Variants in VWC2L observed in about 807,000 individuals in gnomAD.
VWC2L encodes von Willebrand factor C domain containing 2 like.
A neutral mutation model predicts 21.6 loss-of-function variants in VWC2L; 10 were observed. The ratio of observed to expected loss-of-function variants is 0.46; its 90% confidence interval spans 0.29 to 0.78. VWC2L has a LOEUF of 0.78. Ranked by LOEUF, VWC2L falls within the 30% of genes least tolerant of loss-of-function variation. The pLI is 0.10. For synonymous variants in VWC2L, 96 were observed against 94.3 expected (o/e 1.02, Z -0.10); for missense variants, 209 against 277.1 (o/e 0.75, Z 1.74).
chr2:214,523,623 G>C (rs929687111), intron 3 of VWC2L, among the ~76,000 whole-genome samples: 1 of 152,136 alleles, frequency 6.6e-6, no homozygotes, highest in Non-Finnish European at 1.5e-5. Flanking sequence ...TAGATCACTT[G>C]AGGTCAGGAA....
At chr2:214,537,337 T>C (rs968825449) in intron 3 of VWC2L, among the ~76,000 whole-genome samples, 1 of 152,020 alleles carries the variant, frequency 6.6e-6, no homozygotes, top group Non-Finnish European at 1.5e-5. Context: ...TTCCATATCA[T>C]GGCTTTTGTG....
intron 3 of VWC2L, among the ~76,000 whole-genome samples, chr2:214,457,506 T>C (rs1703074086): frequency 6.6e-6 from 1 of 152,056 alleles, no homozygotes. Context: ...GTTGCTTTGG[T>C]TGTGGATTCA....
intron 3 of VWC2L, among the ~76,000 whole-genome samples, chr2:214,452,557 C>T (rs773223915): frequency 1.3e-5 from 2 of 152,076 alleles, no homozygotes; most frequent in Non-Finnish European, 2.9e-5. Context: ...AATAAAGCTG[C>T]TAGAACTAAA....
chr2:214,562,518 T>C (rs1219629288), intron 3 of VWC2L, among the ~76,000 whole-genome samples: 1 of 152,216 alleles, frequency 6.6e-6, no homozygotes, highest in Non-Finnish European at 1.5e-5. Context: ...AGTAATGGGA[T>C]TGCTGGGCCA....
At chr2:214,546,475 G>A (rs1470593378) in intron 3 of VWC2L, among the ~76,000 whole-genome samples, 1 of 152,156 alleles carries the variant, frequency 6.6e-6, no homozygotes, top group Non-Finnish European at 1.5e-5. Flanking sequence ...AATGGCCACA[G>A]TAGGAGTAAT....
At chr2:214,454,092 A>G (rs2126185894) in intron 3 of VWC2L, among the ~76,000 whole-genome samples, 1 of 152,240 alleles carries the variant, frequency 6.6e-6, no homozygotes, top group African/African-American at 2.4e-5. Context: ...ATATAGAAAT[A>G]GAATTGATAT....
intron 3 of VWC2L, among the ~76,000 whole-genome samples, chr2:214,564,232 G>T (rs1690027028): frequency 6.6e-6 from 1 of 152,068 alleles, no homozygotes; most frequent in African/African-American, 2.4e-5. Context: ...TTGTGAAAAT[G>T]GCCATACTAC....
chr2:214,480,151 C>A (rs1461682651), intron 3 of VWC2L, among the ~76,000 whole-genome samples: 1 of 152,126 alleles, frequency 6.6e-6, no homozygotes, highest in Non-Finnish European at 1.5e-5. Flanking sequence ...ACTTGAGCAT[C>A]TGCAGATTTT....
At chr2:214,511,451 C>T (rs188589733) in intron 3 of VWC2L, among the ~76,000 whole-genome samples, 86 of 152,072 alleles carry the variant, frequency 5.7e-4, no homozygotes, top group African/African-American at 2.0e-3. Flanking sequence ...GCCCTAATGC[C>T]GTAAGACTGT....
intron 3 of VWC2L, among the ~76,000 whole-genome samples, chr2:214,506,512 A>G (rs1559311568): frequency 6.6e-6 from 1 of 152,302 alleles, no homozygotes; most frequent in South Asian, 2.1e-4. Flanking sequence ...TACAAATTGT[A>G]TCTTTCTGCA....
chr2:214,454,847 C>G, intron 3 of VWC2L, among the ~76,000 whole-genome samples: 1 of 152,028 alleles, frequency 6.6e-6, no homozygotes, highest in East Asian at 1.9e-4. Flanking sequence ...TATGATCTGC[C>G]TGCCTCATCC....
chr2:214,471,465 A>T lies in VWC2L; in HGVS notation c.520+34707A>T, dbSNP rs183347825. Among the ~76,000 whole-genome samples, 47 of 152,352 alleles carry T rather than the reference A, an allele frequency of 3.1e-4. 1 individual carries two copies. In the East Asian group the frequency reaches 8.9e-3, roughly 29 times the overall value. Reference sequence around the variant, plus strand: ...GGTAAATTTATAAAATAAACATTTTAGGGGTAGCTATGTCAGTTACTGTAC... The same window carrying T: ...GGTAAATTTATAAAATAAACATTTTTGGGGTAGCTATGTCAGTTACTGTAC... On this transcript the variant is annotated intron_variant, in intron 3 of 3. Transcript: ENST00000312504.
intron 3 of VWC2L, among the ~76,000 whole-genome samples, chr2:214,540,678 T>G (rs929693075): frequency 6.6e-6 from 1 of 152,144 alleles, no homozygotes; most frequent in African/African-American, 2.4e-5. Flanking sequence ...TCATCTGAAT[T>G]AGAGGAATCC....
In VWC2L at chr2:214,432,042, C is replaced by CT. The variant is rs570579038; in HGVS notation, c.391-4582dup. The stretch of plus-strand genomic sequence containing the variant: ...TATTTCACGACTCACAGTCGGAAAC[C>CT]TTTTTCCCCAAAGTGCCCATTATAA... On this transcript the variant is annotated intron_variant, in intron 2 of 3. Coordinates refer to ENST00000312504, the MANE Select transcript of VWC2L (RefSeq NM_001080500.4). 1.9e-3 allele frequency among the ~76,000 whole-genome samples: 284 copies of CT among 152,278 alleles called. 1 individual carries two copies. Among genetic ancestry groups the CT allele is most frequent in the African/African-American group, 6.6e-3 (274 of 41,548 alleles).
chr2:214,551,430 G>C lies in VWC2L; in HGVS notation c.521-24242G>C, dbSNP rs527278097. ...GGAGCAGTCTCAGATTTTATAATCA[G>C]TGACTAGGGGAAGGAAGAAAATAGT... On this transcript the variant is annotated intron_variant, in intron 3 of 3. Coordinates refer to ENST00000312504, the MANE Select transcript of VWC2L (RefSeq NM_001080500.4). Among the ~76,000 whole-genome samples the C allele has an allele frequency of 3.1e-4, 47 of 152,334 alleles. No homozygotes were observed. The South Asian group carries it at 8.9e-3, about 29-fold the overall frequency.
chr2:214,449,532 GCAAA>G lies in VWC2L; in HGVS notation c.520+12779_520+12782del, dbSNP rs779693761. Among the ~76,000 whole-genome samples, 35 of 152,226 alleles carry G rather than the reference GCAAA, an allele frequency of 2.3e-4. 1 individual carries two copies. The South Asian group carries it at 2.5e-3, about 11-fold the overall frequency. Reference sequence around the variant, plus strand: ...ATAAGTCAGAAATATGGCATAAAACGCAAACAAAGGAAACTTGCAACCAATACCT... The same window carrying G: ...ATAAGTCAGAAATATGGCATAAAACGCAAAGGAAACTTGCAACCAATACCT... On this transcript the variant is annotated intron_variant, in intron 3 of 3. Transcript: ENST00000312504.
intron 2 of VWC2L, among the ~76,000 whole-genome samples, chr2:214,430,057 C>T (rs79006003): frequency 1.3e-5 from 2 of 152,114 alleles, no homozygotes; most frequent in East Asian, 3.9e-4. Context: ...ATCCTGACCT[C>T]GTGTGCTGCA....
chr2:214,512,323 C>T (rs192478670), intron 3 of VWC2L, among the ~76,000 whole-genome samples: 389 of 152,146 alleles, frequency 2.6e-3, no homozygotes, highest in Admixed American at 4.5e-3. Flanking sequence ...CCAAATACTG[C>T]ATGTTCACTT....
At chr2:214,575,648 A>G (rs1559336357) in intron 3 of VWC2L, 24 bp from the exon 4 acceptor site, 5 of 1,610,792 alleles carry the variant, frequency 3.1e-6, no homozygotes, top group South Asian at 1.1e-5. Flanking sequence ...TTAATCAACT[A>G]ATCAATGTAT....
Sources: gnomAD v4.1 joint callset for allele counts (sites outside exome capture counted in the v4.1 genomes callset) on GRCh38, gnomAD v4.1.1 for gene constraint, MANE v1.5 for transcripts, NCBI Gene and HGNC (gene_info 2026-07-23, HGNC 2026-07-21) for gene names.